The following SLIT3 variants were observed in gnomAD, a reference collection of about 807,000 sequenced individuals.
SLIT3 encodes slit homolog 3 protein.
A neutral mutation model predicts 184.0 loss-of-function variants in SLIT3; 68 were observed. The observed-to-expected ratio is 0.37, with a 90% confidence interval of 0.30 to 0.45. The LOEUF (loss-of-function observed/expected upper bound fraction) is 0.45, where lower values mean the gene tolerates loss of function less well. Among genes scored for constraint, SLIT3 ranks in the 20% least tolerant of loss-of-function variants. The pLI is 1.00. For missense variants in SLIT3, 1,707 were observed against 2,026.0 expected (o/e 0.84, Z 3.02); for synonymous variants, 831 against 828.6 (o/e 1.00, Z -0.05).
At chr5:168,687,390 A>C (rs377603950) in intron 29 of SLIT3, among the ~76,000 whole-genome samples, 1 of 152,200 alleles carries the variant, frequency 6.6e-6, no homozygotes, top group Non-Finnish European at 1.5e-5. Context: ...CACTTCCTAC[A>C]TGAAACTGAC....
At chr5:168,882,682 C>T (rs745722074) in intron 5 of SLIT3, among the ~76,000 whole-genome samples, 3 of 151,870 alleles carry the variant, frequency 2.0e-5, no homozygotes, top group Admixed American at 6.6e-5. Context: ...AAACTTCCTG[C>T]GAATCAAAAA....
chr5:169,171,929 G>GAAAAA (rs2113419214), intron 4 of SLIT3, among the ~76,000 whole-genome samples: 1 of 152,282 alleles, frequency 6.6e-6, no homozygotes, highest in East Asian at 1.9e-4. Flanking sequence ...ATAGAGTTGA[G>GAAAAA]AAAGTGTGAA....
At chr5:169,251,255 G>A (rs1765763567) in intron 2 of SLIT3, 133 bp downstream of exon 2, 1 of 694,558 alleles carries the variant, frequency 1.4e-6, no homozygotes, top group African/African-American at 1.7e-5. Flanking sequence ...GCTAACGAGG[G>A]GCTTTCTGCT....
intron 4 of SLIT3, among the ~76,000 whole-genome samples, chr5:168,952,567 G>T (rs1436023268): frequency 1.9e-5 from 2 of 106,132 alleles, no homozygotes; most frequent in African/African-American, 5.6e-5. Flanking sequence ...AAGGCAAAGG[G>T]ATTTAAAAAA....
At chr5:169,229,890 G>A (rs1025464593) in intron 3 of SLIT3, among the ~76,000 whole-genome samples, 2 of 152,196 alleles carry the variant, frequency 1.3e-5, no homozygotes, top group African/African-American at 4.8e-5. Context: ...AGGAGTAAGA[G>A]AAGGTGAGAA....
At chr5:169,173,085 A>C (rs1212535840) in intron 4 of SLIT3, among the ~76,000 whole-genome samples, 2 of 152,136 alleles carry the variant, frequency 1.3e-5, no homozygotes, top group Non-Finnish European at 2.9e-5. Flanking sequence ...AACATGATGA[A>C]ACCCCGTCTC....
intron 4 of SLIT3, among the ~76,000 whole-genome samples, chr5:168,921,442 C>T (rs1198953586): frequency 6.6e-6 from 1 of 152,134 alleles, no homozygotes; most frequent in Non-Finnish European, 1.5e-5. Context: ...TTACAAGCCT[C>T]TCAAAGCTAT....
At chr5:169,187,552 TTTCTTTC>T (rs1215026070) in intron 4 of SLIT3, among the ~76,000 whole-genome samples, 29 of 76,056 alleles carry the variant, frequency 3.8e-4, no homozygotes, top group African/African-American at 1.9e-3. Context: ...TTTTTCTTTC[TTTCTTTC>T]TTTTTTTTTT....
chr5:168,719,453 A>G (rs1326035698), intron 23 of SLIT3, among the ~76,000 whole-genome samples: 2 of 152,236 alleles, frequency 1.3e-5, no homozygotes, highest in Non-Finnish European at 2.9e-5. Flanking sequence ...GTCTTTCTTC[A>G]TAGGTATAAA....
chr5:168,806,181 G>A (rs1321667485), intron 9 of SLIT3, among the ~76,000 whole-genome samples: 1 of 152,198 alleles, frequency 6.6e-6, no homozygotes, highest in Non-Finnish European at 1.5e-5. Context: ...TGGATGTGGA[G>A]GTATTCAAAA....
intron 4 of SLIT3, among the ~76,000 whole-genome samples, chr5:169,168,598 G>C (rs529057762): frequency 6.6e-6 from 1 of 152,298 alleles, no homozygotes; most frequent in East Asian, 1.9e-4. Context: ...TCAAAAAGTA[G>C]TAGGAGTCAC....
intron 4 of SLIT3, among the ~76,000 whole-genome samples, chr5:168,892,729 AT>A (rs1359689355): frequency 5.3e-5 from 8 of 152,238 alleles, no homozygotes; most frequent in Admixed American, 6.5e-5. Flanking sequence ...AGCTTTCTTC[AT>A]TTAATTATCA....
At chr5:169,214,634 C>G (rs1452912504) in intron 3 of SLIT3, among the ~76,000 whole-genome samples, 1 of 152,106 alleles carries the variant, frequency 6.6e-6, no homozygotes, top group Non-Finnish European at 1.5e-5. Context: ...GGGTATTACC[C>G]AACATTTAAC....
chr5:168,708,641 T>G (rs953615607), intron 25 of SLIT3: 3 of 162,026 alleles, frequency 1.9e-5, no homozygotes, highest in African/African-American at 7.2e-5. Context: ...GACAGAAAAC[T>G]GCTCAGGTAC....
intron 5 of SLIT3, among the ~76,000 whole-genome samples, chr5:168,872,175 A>G (rs967555551): frequency 6.6e-6 from 1 of 152,182 alleles, no homozygotes; most frequent in African/African-American, 2.4e-5. Flanking sequence ...CCAAATAAAT[A>G]TAAGCTGTTG....
chr5:169,215,775 T>C (rs1764414955), intron 3 of SLIT3, among the ~76,000 whole-genome samples: 1 of 152,184 alleles, frequency 6.6e-6, no homozygotes. Context: ...AAATGATACA[T>C]TTCAAAGGCC....
intron 1 of SLIT3, chr5:169,263,712 C>G (rs536613672): frequency 3.9e-6 from 2 of 509,848 alleles, no homozygotes; most frequent in South Asian, 2.9e-5. Flanking sequence ...CCTGCAGCCT[C>G]CCCCAGCTGC....
At chr5:168,888,259 G>T (rs1415779049) in intron 4 of SLIT3, among the ~76,000 whole-genome samples, 1 of 152,222 alleles carries the variant, frequency 6.6e-6, no homozygotes, top group Admixed American at 6.5e-5. Context: ...GGCTTCTGCA[G>T]CCCTGCATCA....
intron 4 of SLIT3, among the ~76,000 whole-genome samples, chr5:168,947,611 G>A (rs1043242632): frequency 1.3e-5 from 2 of 152,170 alleles, no homozygotes; most frequent in African/African-American, 2.4e-5. Context: ...AGGCACCAGG[G>A]CTGCCAGTGT....
Sources: gnomAD v4.1 joint callset for allele counts (sites outside exome capture counted in the v4.1 genomes callset) on GRCh38, gnomAD v4.1.1 for gene constraint, MANE v1.5 for transcripts, NCBI Gene and HGNC (gene_info 2026-07-23, HGNC 2026-07-21) for gene names.